The following PTPRD variants were observed in gnomAD, a reference collection of about 807,000 sequenced individuals.
PTPRD encodes the protein protein tyrosine phosphatase receptor type D.
Under a neutral mutation model 214.5 loss-of-function variants are expected in PTPRD, and 34 were observed. That is an observed-to-expected ratio of 0.16 (90% CI 0.12 to 0.21). PTPRD has a LOEUF of 0.21. Among genes scored for constraint, PTPRD ranks in the 10% least tolerant of loss-of-function variants. The pLI is 1.00. For missense variants in PTPRD, 2,545 were observed against 2,398.7 expected (o/e 1.06, Z -1.27); for synonymous variants, 1,128 against 845.7 (o/e 1.33, Z -5.79).
chr9:8,861,968 G>A (rs765521696), intron 11 of PTPRD: 2 of 152,180 alleles, frequency 1.3e-5, no homozygotes, highest in Non-Finnish European at 2.9e-5. Context: ...ACTTCTACGT[G>A]TGTTTCTATT....
At chr9:9,960,989 A>T (rs1233812889) in intron 4 of PTPRD, among the ~76,000 whole-genome samples, 1 of 152,150 alleles carries the variant, frequency 6.6e-6, no homozygotes, top group Non-Finnish European at 1.5e-5. Context: ...CCCCATCAAC[A>T]AGTGGGTGAA....
chr9:10,332,100 A>G (rs1293887438), intron 3 of PTPRD, among the ~76,000 whole-genome samples: 1 of 151,904 alleles, frequency 6.6e-6, no homozygotes, highest in Non-Finnish European at 1.5e-5. Flanking sequence ...ATCAGGGCAC[A>G]TCATATACTG....
intron 2 of PTPRD, among the ~76,000 whole-genome samples, chr9:10,416,294 T>C (rs1213054905): frequency 6.6e-6 from 1 of 151,344 alleles, no homozygotes; most frequent in Non-Finnish European, 1.5e-5. Flanking sequence ...GGAGGCAGAG[T>C]GTTGCAGTGA....
chr9:8,676,452 G>C (rs748670684), intron 12 of PTPRD, among the ~76,000 whole-genome samples: 2 of 146,480 alleles, frequency 1.4e-5, no homozygotes, highest in African/African-American at 5.1e-5. Context: ...GTGTGATCTC[G>C]GCTCACTACA....
chr9:8,347,961 G>C (rs532385312), intron 39 of PTPRD, among the ~76,000 whole-genome samples: 1 of 152,078 alleles, frequency 6.6e-6, no homozygotes, highest in Non-Finnish European at 1.5e-5. Context: ...TGTTATGGAA[G>C]CCCCAGCAGA....
chr9:10,159,992 C>G (rs2099117784), intron 3 of PTPRD, among the ~76,000 whole-genome samples: 1 of 151,924 alleles, frequency 6.6e-6, no homozygotes, highest in Non-Finnish European at 1.5e-5. Flanking sequence ...GGCAAAATGA[C>G]AAATATCTGG....
chr9:9,580,160 G>T (rs1004646742), intron 7 of PTPRD, among the ~76,000 whole-genome samples: 8 of 151,962 alleles, frequency 5.3e-5, no homozygotes, highest in Non-Finnish European at 7.4e-5. Context: ...GAATAGAACT[G>T]CAATAAACAT....
intron 11 of PTPRD, among the ~76,000 whole-genome samples, chr9:8,760,367 G>C (rs1196062576): frequency 6.6e-6 from 1 of 151,856 alleles, no homozygotes; most frequent in East Asian, 1.9e-4. Flanking sequence ...AGTTTTGTTT[G>C]GTTTCTTATT....
intron 5 of PTPRD, among the ~76,000 whole-genome samples, chr9:9,896,107 G>C (rs1357751498): frequency 6.6e-6 from 1 of 151,888 alleles, no homozygotes; most frequent in African/African-American, 2.4e-5. Context: ...CTCTTTGGGA[G>C]CTTAGTTTAC....
intron 3 of PTPRD, among the ~76,000 whole-genome samples, chr9:10,263,570 T>A (rs1324626907): frequency 6.6e-6 from 1 of 152,000 alleles, no homozygotes; most frequent in Non-Finnish European, 1.5e-5. Flanking sequence ...ATTTTGAACT[T>A]GAGAGAGATG....
At chr9:9,632,505 G>A (rs1235780028) in intron 7 of PTPRD, among the ~76,000 whole-genome samples, 2 of 151,970 alleles carry the variant, frequency 1.3e-5, no homozygotes, top group Non-Finnish European at 2.9e-5. Context: ...GTACAATCTT[G>A]TAAATATATT....
chr9:8,868,232 C>T (rs2098233305), intron 11 of PTPRD, among the ~76,000 whole-genome samples: 1 of 152,110 alleles, frequency 6.6e-6, no homozygotes, highest in South Asian at 2.1e-4. Context: ...ACAGAGTCTC[C>T]TCTGTACCCT....
intron 30 of PTPRD, among the ~76,000 whole-genome samples, chr9:8,474,472 G>A (rs1315567195): frequency 6.6e-6 from 1 of 152,140 alleles, no homozygotes; most frequent in South Asian, 2.1e-4. Context: ...ATCTACGCTT[G>A]CCATTCTCTG....
intron 8 of PTPRD, among the ~76,000 whole-genome samples, chr9:9,428,297 GA>G (rs2081786445): frequency 6.6e-6 from 1 of 151,982 alleles, no homozygotes; most frequent in Non-Finnish European, 1.5e-5. Flanking sequence ...AACCAACAAA[GA>G]TCAGAAGAGA....
chr9:8,386,231 C>T lies in PTPRD; in HGVS notation c.4386+3001G>A, dbSNP rs528235322. On this transcript the variant is annotated intron_variant, in intron 37 of 45. Coordinates refer to ENST00000381196, the MANE Select transcript of PTPRD (RefSeq NM_002839.4). Reference sequence around the variant, plus strand: ...GCTAGAGTTGGTATTTGAACTCAGACATCTGACTGCAAAGTGCCCTACTTG... The same window carrying T: ...GCTAGAGTTGGTATTTGAACTCAGATATCTGACTGCAAAGTGCCCTACTTG... Among the ~76,000 whole-genome samples, 6 of 152,288 alleles carry T rather than the reference C, an allele frequency of 3.9e-5. No homozygotes were observed. The East Asian group carries it at 1.2e-3, about 30-fold the overall frequency.
intron 33 of PTPRD, among the ~76,000 whole-genome samples, chr9:8,455,932 C>T (rs781144460): frequency 2.6e-5 from 4 of 152,164 alleles, no homozygotes; most frequent in African/African-American, 9.6e-5. Context: ...GTCAGCCTCA[C>T]CATACACCTG....
intron 10 of PTPRD, among the ~76,000 whole-genome samples, chr9:9,140,218 A>T (rs1188141576): frequency 6.6e-6 from 1 of 152,024 alleles, no homozygotes. Context: ...AGAAAAAGAA[A>T]AAAAAGAAAA....
chr9:10,542,200 A>G (rs1422627529), intron 2 of PTPRD, among the ~76,000 whole-genome samples: 1 of 152,162 alleles, frequency 6.6e-6, no homozygotes, highest in East Asian at 1.9e-4. Flanking sequence ...GCTGCTTTGT[A>G]CTAAGAATAG....
chr9:8,645,813 T>C (rs932764329), intron 12 of PTPRD, among the ~76,000 whole-genome samples: 4 of 132,424 alleles, frequency 3.0e-5, no homozygotes, highest in African/African-American at 1.1e-4. Flanking sequence ...AAACATACCA[T>C]GTCATTTGCC....
Sources: gnomAD v4.1 joint callset for allele counts (sites outside exome capture counted in the v4.1 genomes callset) on GRCh38, gnomAD v4.1.1 for gene constraint, MANE v1.5 for transcripts, NCBI Gene and HGNC (gene_info 2026-07-23, HGNC 2026-07-21) for gene names.